PTPRA: variants seen among roughly 807,000 people sequenced by gnomAD.
PTPRA encodes protein tyrosine phosphatase receptor type A, also known as receptor-type tyrosine-protein phosphatase alpha.
PTPRA carries 25 observed loss-of-function variants against 104.8 expected under a neutral mutation model. The observed-to-expected ratio is 0.24, with a 90% CI of 0.17 to 0.33. The LOEUF (loss-of-function observed/expected upper bound fraction) is 0.33, where lower values mean the gene tolerates loss of function less well. Ranked by LOEUF, PTPRA falls within the 10% of genes least tolerant of loss-of-function variation. PTPRA has a pLI of 1.00. For synonymous variants in PTPRA, 323 were observed against 368.9 expected (o/e 0.88, Z 1.43); for missense variants, 765 against 1,015.3 (o/e 0.75, Z 3.35).
intron 20 of PTPRA, among the ~76,000 whole-genome samples, chr20:3,029,437 G>A (rs564922214): frequency 1.3e-5 from 2 of 151,292 alleles, no homozygotes; most frequent in South Asian, 2.1e-4. Flanking sequence ...CACCTTGCCC[G>A]GCATTTTTTT....
intron 22 of PTPRA, among the ~76,000 whole-genome samples, chr20:3,036,836 T>C (rs970707421): frequency 1.2e-4 from 19 of 152,142 alleles, no homozygotes; most frequent in African/African-American, 3.4e-4. Flanking sequence ...GAGCTAGTTC[T>C]AACTGAGCGA....
chr20:3,029,782 C>T (rs997939825), intron 20 of PTPRA, among the ~76,000 whole-genome samples: 2 of 152,052 alleles, frequency 1.3e-5, no homozygotes, highest in African/African-American at 2.4e-5. Flanking sequence ...CCTGACTCAG[C>T]CTCCCAAAGT....
intron 20 of PTPRA, among the ~76,000 whole-genome samples, chr20:3,029,135 T>G (rs1568708205): frequency 7.6e-6 from 1 of 131,580 alleles, no homozygotes. Context: ...TTTTTTTTGG[T>G]TTTGTTTGTT....
At chr20:3,020,700 G>C (rs618142) in intron 13 of PTPRA, among the ~76,000 whole-genome samples, 94,400 of 152,060 alleles carry the variant, frequency 0.62, 31,231 homozygotes, top group African/African-American at 0.85. Flanking sequence ...TTGTTACCGT[G>C]TTTCTCAAGG....
intron 20 of PTPRA, among the ~76,000 whole-genome samples, chr20:3,032,583 T>A (rs369811480): frequency 6.6e-6 from 1 of 151,734 alleles, no homozygotes; most frequent in Non-Finnish European, 1.5e-5. Flanking sequence ...CTGGCCAACA[T>A]GGCAAAACCC....
intron 2 of PTPRA, among the ~76,000 whole-genome samples, chr20:2,926,469 T>C (rs1273498357): frequency 1.3e-5 from 2 of 152,142 alleles, no homozygotes; most frequent in South Asian, 2.1e-4. Flanking sequence ...TCAAAATAAG[T>C]GCGCTAGTCA....
intron 11 of PTPRA, among the ~76,000 whole-genome samples, chr20:3,009,881 C>A (rs1210947196): frequency 1.3e-5 from 2 of 151,532 alleles, no homozygotes; most frequent in African/African-American, 4.9e-5. Context: ...GACAGTCTCA[C>A]CCCGACACCC....
chr20:2,928,102 C>T (rs764328274), intron 2 of PTPRA, among the ~76,000 whole-genome samples: 8 of 152,104 alleles, frequency 5.3e-5, no homozygotes, highest in Admixed American at 5.2e-4. Flanking sequence ...AATTTTGACT[C>T]TTTCTGGTAT....
intron 6 of PTPRA, among the ~76,000 whole-genome samples, chr20:2,978,507 A>C (rs1342620538): frequency 6.6e-6 from 1 of 152,190 alleles, no homozygotes; most frequent in Non-Finnish European, 1.5e-5. Flanking sequence ...TTTGTAGTTG[A>C]CCAGTGTGTG....
chr20:2,997,308 T>C (rs1026010273), intron 9 of PTPRA, among the ~76,000 whole-genome samples: 3 of 152,144 alleles, frequency 2.0e-5, no homozygotes, highest in Admixed American at 6.6e-5. Flanking sequence ...TTCTACTAAA[T>C]TATTTGACTT....
At chr20:2,868,032 T>C in the PTPRA span, among the ~76,000 whole-genome samples, 145,646 of 152,298 alleles carry the variant, frequency 0.96, 69,684 homozygotes, top group East Asian at 1. Context: ...AAAAGGTTGA[T>C]AGCTAGGGGC....
At chr20:2,981,934 A>T (rs971632204) in intron 6 of PTPRA, among the ~76,000 whole-genome samples, 4 of 152,078 alleles carry the variant, frequency 2.6e-5, no homozygotes, top group Non-Finnish European at 5.9e-5. Context: ...TCTGATCTAC[A>T]TATGCCACCG....
intron 22 of PTPRA, among the ~76,000 whole-genome samples, chr20:3,036,850 G>A (rs959447686): frequency 2.0e-5 from 3 of 152,368 alleles, no homozygotes; most frequent in East Asian, 3.9e-4. Flanking sequence ...TGAGCGAACA[G>A]CAGGTCAGAA....
chr20:2,991,190 C>T (rs2063156968), intron 9 of PTPRA, among the ~76,000 whole-genome samples: 1 of 152,056 alleles, frequency 6.6e-6, no homozygotes, highest in South Asian at 2.1e-4. Flanking sequence ...CCCATCCCAT[C>T]TCTACTAAAA....
intron 12 of PTPRA, among the ~76,000 whole-genome samples, chr20:3,016,545 C>A (rs1166690189): frequency 1.3e-5 from 2 of 152,194 alleles, no homozygotes; most frequent in Non-Finnish European, 2.9e-5. Flanking sequence ...CCCAGGAGTT[C>A]AAGATCAGCC....
chr20:2,941,530 A>G (rs1264297944), intron 2 of PTPRA, among the ~76,000 whole-genome samples: 1 of 152,210 alleles, frequency 6.6e-6, no homozygotes, highest in African/African-American at 2.4e-5. Flanking sequence ...GTCCACATCC[A>G]GTGCTATATT....
intron 1 of PTPRA, among the ~76,000 whole-genome samples, chr20:2,911,444 A>T (rs1215525184): frequency 1.3e-5 from 2 of 152,174 alleles, no homozygotes; most frequent in African/African-American, 4.8e-5. Flanking sequence ...GTTTTGATGA[A>T]CTATGTGAAG....
chr20:2,977,103 C>A (rs2062463645), intron 6 of PTPRA, among the ~76,000 whole-genome samples: 1 of 151,984 alleles, frequency 6.6e-6, no homozygotes, highest in Admixed American at 6.6e-5. Flanking sequence ...TGATAAAACC[C>A]CATCTCTACT....
At chr20:2,986,724 G>A in intron 6 of PTPRA, 41 bp from the exon 7 acceptor site, 1 of 1,546,200 alleles carries the variant, frequency 6.5e-7, no homozygotes, top group South Asian at 1.1e-5. Context: ...GCCCTCCATT[G>A]CACAACACAG....
Sources: gnomAD v4.1 joint callset for allele counts (sites outside exome capture counted in the v4.1 genomes callset) on GRCh38, gnomAD v4.1.1 for gene constraint, MANE v1.5 for transcripts, NCBI Gene and HGNC (gene_info 2026-07-23, HGNC 2026-07-21) for gene names.